The following TUBA1C variants were observed in gnomAD, a reference collection of about 807,000 sequenced individuals.
TUBA1C encodes tubulin alpha 1c.
A neutral mutation model predicts 34.9 loss-of-function variants in TUBA1C; 16 were observed. The ratio of observed to expected loss-of-function variants is 0.46; its 90% CI spans 0.31 to 0.70. The LOEUF (loss-of-function observed/expected upper bound fraction) is 0.70, where lower values mean the gene tolerates loss of function less well. TUBA1C is among the 30% of genes least tolerant of loss of function. TUBA1C has a pLI of 0.05. For synonymous variants in TUBA1C, 177 were observed against 215.9 expected (o/e 0.82, Z 1.58); for missense variants, 329 against 587.3 (o/e 0.56, Z 4.55).
In TUBA1C at chr12:49,274,139, T is replaced by C. The variant is rs1314148709; in HGVS notation, c.*912T>C. On this transcript the variant is annotated 3_prime_UTR_variant, in exon 4 of 4. Transcript: ENST00000301072. ...AGACACGTCTTAAATTTTTTTTCTT[T>C]GAGATGGTCTCTTTCCCAGGCTGCA... 4 of 152,078 alleles carry C rather than the reference T, an allele frequency of 2.6e-5. No homozygotes were observed. Among genetic ancestry groups the C allele is most frequent in the Admixed American group, 1.3e-4 (2 of 15,246 alleles). The allele number at this position is 152,078 out of a possible 1,614,324, so 9.4% of individuals were successfully genotyped here.
At chr12:49,263,886 G>A (rs1942865609), upstream of TUBA1C, among the ~76,000 whole-genome samples, 1 of 152,212 alleles carries the variant, frequency 6.6e-6, no homozygotes, top group Admixed American at 6.5e-5. Context: ...ATAATTCATA[G>A]AGTTTGTCAT....
At chr12:49,271,261 C>A (rs1274948480) in intron 3 of TUBA1C, among the ~76,000 whole-genome samples, 1 of 152,170 alleles carries the variant, frequency 6.6e-6, no homozygotes, top group Non-Finnish European at 1.5e-5. Context: ...GTTCACAAAT[C>A]TGAGGCCCAT....
chr12:49,265,823 G>T (rs1026494387), intron 1 of TUBA1C, among the ~76,000 whole-genome samples: 1 of 152,134 alleles, frequency 6.6e-6, no homozygotes, highest in African/African-American at 2.4e-5. Context: ...TACTTAAGCC[G>T]GGTTTAAAAA....
chr12:49,264,298 A>G (rs1942870486), upstream of TUBA1C, among the ~76,000 whole-genome samples: 1 of 152,208 alleles, frequency 6.6e-6, no homozygotes, highest in African/African-American at 2.4e-5. Context: ...AATGAACTGA[A>G]AAAACTGCTT....
At chr12:49,230,024 G>A (rs1196410294) in intron 1 of TUBA1C, among the ~76,000 whole-genome samples, 1 of 151,288 alleles carries the variant, frequency 6.6e-6, no homozygotes, top group Non-Finnish European at 1.5e-5. Context: ...CTGACTTCGT[G>A]ATCTGCTTGC....
chr12:49,234,399 A>T (rs1482843579), intron 1 of TUBA1C, among the ~76,000 whole-genome samples: 6 of 152,260 alleles, frequency 3.9e-5, no homozygotes, highest in African/African-American at 1.4e-4. Context: ...AAAACCGTTA[A>T]GTTCGTTGAA....
chr12:49,272,963 G>A lies in TUBA1C; in HGVS notation c.1086G>A (p.Val362=), dbSNP rs1349817367. 1 of 1,614,080 alleles carries A rather than the reference G, an allele frequency of 6.2e-7. No individual in the cohort carries two copies. Among genetic ancestry groups the A allele is most frequent in the Non-Finnish European group, 8.5e-7 (1 of 1,180,050 alleles). Residue 362 remains valine, a synonymous_variant, in exon 4 of 4, where the codon GTG becomes GTA. Coordinates refer to ENST00000301072, the MANE Select transcript of TUBA1C (RefSeq NM_032704.5). ...GCATTAATTACCAGCCTCCCACTGTGGTGCCTGGCGGAGACCTGGCCAAGG... is the reference window on the plus strand; with the variant it reads ...GCATTAATTACCAGCCTCCCACTGTAGTGCCTGGCGGAGACCTGGCCAAGG... ...KVGINYQPPT[V]VPGGDLAKVQ...
chr12:49,234,203 T>C (rs1592272089), intron 1 of TUBA1C: 1 of 152,258 alleles, frequency 6.6e-6, no homozygotes, highest in Admixed American at 6.5e-5. Flanking sequence ...ACGCAACCCC[T>C]AGCCCATTTA....
intron 1 of TUBA1C, among the ~76,000 whole-genome samples, chr12:49,242,146 C>T (rs1346110510): frequency 1.3e-5 from 2 of 151,926 alleles, no homozygotes; most frequent in Non-Finnish European, 2.9e-5. Flanking sequence ...CCCGCCACCA[C>T]ACCTGGCTAA....
At chr12:49,240,737 A>G (rs1208552644) in intron 1 of TUBA1C, among the ~76,000 whole-genome samples, 1 of 152,102 alleles carries the variant, frequency 6.6e-6, no homozygotes, top group Non-Finnish European at 1.5e-5. Context: ...ACAGGCGTGC[A>G]CCACCACACT....
chr12:49,266,005 C>G (rs909487551), intron 1 of TUBA1C, among the ~76,000 whole-genome samples: 5 of 146,150 alleles, frequency 3.4e-5, no homozygotes, highest in African/African-American at 1.0e-4. Context: ...TGGCGCGCGC[C>G]GGTAATCCCA....
intron 1 of TUBA1C, among the ~76,000 whole-genome samples, chr12:49,235,336 C>A (rs577167911): frequency 6.6e-6 from 1 of 152,026 alleles, no homozygotes; most frequent in Non-Finnish European, 1.5e-5. Flanking sequence ...TCAGCTGGGG[C>A]GCCATCTGCT....
At position 49,270,994 on chromosome 12, in the gene TUBA1C, C is replaced by A. The variant is rs557136974; in HGVS notation, c.375+1018C>A. 1.4e-4 allele frequency among the ~76,000 whole-genome samples: 20 copies of A among 146,070 alleles called. No homozygotes were observed. The South Asian group carries it at 1.9e-3, about 14-fold the overall frequency. ...ACTCCATCTCAAAAAAACAAACAAA[C>A]AAAAAAAACCCTAAGCTTTAGTTAT... On this transcript the variant is annotated intron_variant, in intron 3 of 3. Coordinates refer to ENST00000301072, the MANE Select transcript of TUBA1C (RefSeq NM_032704.5).
intron 1 of TUBA1C, among the ~76,000 whole-genome samples, chr12:49,250,294 G>A (rs1411770160): frequency 6.6e-6 from 1 of 152,206 alleles, no homozygotes; most frequent in Admixed American, 6.5e-5. Flanking sequence ...GGAGGCCCAG[G>A]CAGGCGGATC....
chr12:49,270,722 T>C (rs1209744257), intron 3 of TUBA1C, among the ~76,000 whole-genome samples: 1 of 152,124 alleles, frequency 6.6e-6, no homozygotes, highest in Non-Finnish European at 1.5e-5. Flanking sequence ...GTGGCTGACA[T>C]CTGTAATCCC....
chr12:49,260,421 G>A (rs779978391), upstream of TUBA1C, among the ~76,000 whole-genome samples: 2 of 152,182 alleles, frequency 1.3e-5, no homozygotes, highest in African/African-American at 2.4e-5. Context: ...TGTAATTTCA[G>A]AGATGAAAGT....
intron 1 of TUBA1C, among the ~76,000 whole-genome samples, chr12:49,267,781 T>C (rs2137019412): frequency 6.6e-6 from 1 of 152,322 alleles, no homozygotes; most frequent in Middle Eastern, 3.4e-3. Context: ...CTTGATTGTT[T>C]CATGGGGAGT....
intron 1 of TUBA1C, chr12:49,257,843 TAAA>T (rs748253214): frequency 1.1e-5 from 2 of 174,652 alleles, no homozygotes; most frequent in Non-Finnish European, 1.2e-5. Context: ...ACAAAAAGTT[TAAA>T]AAAAAAAAGT....
upstream of TUBA1C, among the ~76,000 whole-genome samples, chr12:49,260,092 A>T (rs1942827480): frequency 6.6e-6 from 1 of 152,178 alleles, no homozygotes; most frequent in Non-Finnish European, 1.5e-5. Context: ...AGGCTCTATG[A>T]TATAGTCCTT....
Sources: allele counts gnomAD v4.1 joint callset (sites outside exome capture counted in the v4.1 genomes callset), GRCh38; gene constraint gnomAD v4.1.1; transcripts MANE v1.5; gene names NCBI Gene and HGNC (gene_info 2026-07-23, HGNC 2026-07-21).